The following ANKRD36C variants were observed in gnomAD, a reference collection of about 807,000 sequenced individuals.
ANKRD36C encodes the protein ankyrin repeat domain-containing protein 36C.
ANKRD36C carries 61 observed loss-of-function variants against 276.4 expected under a neutral mutation model. The observed-to-expected ratio is 0.22, with a 90% CI of 0.18 to 0.27. ANKRD36C has a LOEUF of 0.27. Among genes scored for constraint, ANKRD36C ranks in the 10% least tolerant of loss-of-function variants. The pLI is 1.00. For synonymous variants in ANKRD36C, 483 were observed against 680.1 expected (o/e 0.71, Z 4.51); for missense variants, 1,447 against 2,032.3 (o/e 0.71, Z 5.54).
intron 46 of ANKRD36C, among the ~76,000 whole-genome samples, chr2:95,890,753 T>C (rs1676326416): frequency 6.6e-6 from 1 of 151,578 alleles, no homozygotes; most frequent in Non-Finnish European, 1.5e-5. Context: ...TTAATCAGTT[T>C]TTCATTCAGA....
At position 95,895,417 on chromosome 2, in the gene ANKRD36C, C is replaced by T. The variant is rs375475160; in HGVS notation, c.2756-3557G>A. On this transcript the variant is annotated intron_variant, in intron 44 of 66. Coordinates refer to ENST00000456556, the Ensembl canonical transcript of ANKRD36C. ...AAGTTACCTGTCCTAGATGTTTCTC[C>T]ATCCTTTCTTTCTCTGGTTATATTT... The T allele has an allele frequency of 9.4e-6, 11 of 1,168,380 alleles. No homozygotes were observed. The Admixed American group carries it at 1.0e-4, about 11-fold the overall frequency. The allele number at this position is 1,168,380 out of a possible 1,614,324, so 72.4% of individuals were successfully genotyped here. A position where few individuals can be genotyped will look rare whatever the true frequency, so the allele number is the denominator to read the frequency against.
chr2:95,987,346 A>C, intron 1 of ANKRD36C, 140 bp from the exon 2 acceptor site: 2 of 1,364,466 alleles, frequency 1.5e-6, no homozygotes, highest in South Asian at 1.6e-5. Context: ...TTAATGAAAG[A>C]GCAGGCTATT....
At chr2:95,989,746 G>T (rs1254893054) in intron 1 of ANKRD36C, among the ~76,000 whole-genome samples, 1 of 152,174 alleles carries the variant, frequency 6.6e-6, no homozygotes, top group East Asian at 1.9e-4. Context: ...AAAGTCATCA[G>T]AAATGTAAAC....
chr2:95,938,188 G>T (rs1197528763), intron 22 of ANKRD36C, among the ~76,000 whole-genome samples: 2 of 152,276 alleles, frequency 1.3e-5, no homozygotes, highest in East Asian at 1.9e-4. Flanking sequence ...TGACTTAAAA[G>T]TAAAAAACAT....
At chr2:95,954,184 T>C (rs1344913036) in intron 13 of ANKRD36C, among the ~76,000 whole-genome samples, 179 bp from the exon 14 acceptor site, 2 of 152,424 alleles carry the variant, frequency 1.3e-5, no homozygotes, top group East Asian at 1.9e-4. Context: ...GCTTCCGTTT[T>C]AGAAAACATT....
chr2:95,886,278 T>A, intron 50 of ANKRD36C, 34 bp from the exon 71 acceptor site: 1 of 1,308,470 alleles, frequency 7.6e-7, no homozygotes, highest in Non-Finnish European at 1.1e-6. Flanking sequence ...ATCACTCATA[T>A]GTGCATATGA....
At chr2:95,890,101 G>A (rs1676303858) in intron 46 of ANKRD36C, 107 bp from the exon 67 acceptor site, 1 of 1,419,014 alleles carries the variant, frequency 7.0e-7, no homozygotes. Context: ...CTGTATTAGT[G>A]TAGGCTTTGA....
intron 59 of ANKRD36C, among the ~76,000 whole-genome samples, chr2:95,867,976 G>A (rs1216822667): frequency 3.3e-5 from 5 of 152,008 alleles, no homozygotes; most frequent in Non-Finnish European, 5.9e-5. Flanking sequence ...CAAATAATTG[G>A]TGAAGAGAAA....
At chr2:95,964,570 G>A (rs1447344358) in intron 6 of ANKRD36C, among the ~76,000 whole-genome samples, 1 of 152,004 alleles carries the variant, frequency 6.6e-6, no homozygotes, top group Non-Finnish European at 1.5e-5. Context: ...TTACTAAAAT[G>A]TTAAATGTAT....
chr2:95,954,471 G>A (rs1289102964), intron 13 of ANKRD36C, among the ~76,000 whole-genome samples: 2 of 152,126 alleles, frequency 1.3e-5, no homozygotes, highest in African/African-American at 4.8e-5. Context: ...AGACTAATCT[G>A]TGTCACTGGA....
chr2:95,885,467 T>C (rs1676177815), intron 52 of ANKRD36C, among the ~76,000 whole-genome samples: 1 of 151,488 alleles, frequency 6.6e-6, no homozygotes, highest in African/African-American at 2.4e-5. Flanking sequence ...AGCCAAAATT[T>C]AATATTCTTT....
rs188825931 is a variant in ANKRD36C, at chr2:95,910,013, G to A, written c.2653+2231C>T. ...ACAACAAGTTTTCTGTCTGTTCTTA[G>A]CAGTACGATGTGACGTCTGTAAAAT... is the stretch of plus-strand genomic sequence containing the variant. On this transcript the variant is annotated intron_variant, in intron 42 of 66. Transcript: ENST00000456556. Among the ~76,000 whole-genome samples, 333 of 151,408 alleles carry A rather than the reference G, an allele frequency of 2.2e-3. 2 individuals carry two copies. Among genetic ancestry groups the A allele is most frequent in the South Asian group, 0.012 (58 of 4,816 alleles).
At chr2:95,893,592 T>C (rs781059872) in intron 44 of ANKRD36C, 29 of 1,577,084 alleles carry the variant, frequency 1.8e-5, no homozygotes, top group Middle Eastern at 1.7e-4. Flanking sequence ...AGAATCTTCC[T>C]CGTCACCTGT....
chr2:95,985,145 G>A (rs1487341654), intron 3 of ANKRD36C, among the ~76,000 whole-genome samples: 1 of 152,178 alleles, frequency 6.6e-6, no homozygotes, highest in African/African-American at 2.4e-5. Flanking sequence ...GTCCACAATA[G>A]CAAATTTCTA....
chr2:95,855,007 GACT>G (rs1477384578), intron 63 of ANKRD36C, among the ~76,000 whole-genome samples: 4 of 152,058 alleles, frequency 2.6e-5, no homozygotes, highest in African/African-American at 9.7e-5. Context: ...AGCAGTATAA[GACT>G]ACATTATTAA....
At position 95,920,615 on chromosome 2, in the gene ANKRD36C, A is replaced by G. The variant is rs890102064; in HGVS notation, c.2245+992T>C. 9.8e-5 allele frequency among the ~76,000 whole-genome samples: 13 copies of G among 132,960 alleles called. 4 individuals are homozygous for G. The highest frequency in any genetic ancestry group is 3.4e-4 in the African/African-American group (13 of 38,150). The allele number at this position is 132,960 out of a possible 152,430, so 87.2% of individuals were successfully genotyped here. ...ATAATATATTAGCCTCAATAAAAAT[A>G]TCATCAACTATCAATTTTGACATAC... On this transcript the variant is annotated intron_variant, in intron 34 of 66. Transcript: ENST00000456556.
rs138370118 is a variant in ANKRD36C at position 95,855,298 on chromosome 2, A to T, written c.4963T>A (p.Cys1655Ser). The T allele has an allele frequency of 3.7e-6, 6 of 1,601,506 alleles. No individual in the cohort carries two copies. The Admixed American group carries it at 5.2e-5, about 14-fold the overall frequency. The change falls in exon 63 of 67, where the codon TGC becomes AGC. Residue 1655 changes from cysteine (C) to serine (S), a missense_variant. Transcript: ENST00000456556. ...TCTGCTTTCTCTTTTTCATATTGGC[A>T]TTTTTTTTCTTTCGAATGATTCAAT...
At chr2:95,892,099 A>C (rs1265671748) in intron 44 of ANKRD36C, among the ~76,000 whole-genome samples, 1 of 151,570 alleles carries the variant, frequency 6.6e-6, no homozygotes, top group African/African-American at 2.4e-5. Flanking sequence ...ATATGTCGAA[A>C]ACTAAAATAA....
intron 14 of ANKRD36C, among the ~76,000 whole-genome samples, chr2:95,952,931 G>C (rs186291726): frequency 6.6e-6 from 1 of 152,238 alleles, no homozygotes; most frequent in African/African-American, 2.4e-5. Context: ...TAGTAATGCA[G>C]GAGCTTTACA....
Sources: allele counts gnomAD v4.1 joint callset (sites outside exome capture counted in the v4.1 genomes callset), GRCh38; gene constraint gnomAD v4.1.1; transcripts MANE v1.5; gene names NCBI Gene and HGNC (gene_info 2026-07-23, HGNC 2026-07-21).